Variants in TPRX1 observed in about 807,000 individuals in gnomAD.
TPRX1 encodes the protein tetra-peptide repeat homeobox protein 1.
In TPRX1, 2 loss-of-function variants were observed where a neutral mutation model predicts 8.1. The ratio of observed to expected loss-of-function variants is 0.25; its 90% CI spans 0.10 to 0.78. The LOEUF is 0.78. Ranked by LOEUF, TPRX1 falls within the 30% of genes least tolerant of loss-of-function variation. TPRX1 has a pLI of 0.70. For missense variants in TPRX1, 517 were observed against 586.9 expected, an observed-to-expected ratio of 0.88 and a Z score of 1.23; for synonymous variants, 257 against 254.1, an observed-to-expected ratio of 1.01 and a Z score of -0.11.
exon 4 of TPRX1, chr19:47,802,299 G>C: frequency 7.6e-7 from 1 of 1,319,854 alleles, no homozygotes. Context: ...CCTGGGATCG[G>C]GCCTGGGTTC....
At chr19:47,814,578 G>A (rs572543392) in intron 2 of TPRX1, among the ~76,000 whole-genome samples, 28 of 152,104 alleles carry the variant, frequency 1.8e-4, no homozygotes, top group Non-Finnish European at 1.3e-4. Flanking sequence ...GATAATGGGG[G>A]CCTGGAGAGT....
chr19:47,818,320 T>TCA (rs200517836), intron 2 of TPRX1: 1 of 293,840 alleles, frequency 3.4e-6, no homozygotes, highest in Non-Finnish European at 6.5e-6. Flanking sequence ...CACCCATCCA[T>TCA]CCATCCATCC....
At chr19:47,808,304 G>A (rs955513309) in intron 2 of TPRX1, among the ~76,000 whole-genome samples, 14 of 151,884 alleles carry the variant, frequency 9.2e-5, no homozygotes, top group African/African-American at 3.4e-4. Context: ...TAGTAGAGAC[G>A]GGGTTTCACT....
rs1555799994 is a variant in TPRX1, at chr19:47,815,119, T to TATATATATATATATATATATGCAA, written c.151+3348_151+3349insTTGCATATATATATATATATATAT. On this transcript the variant is annotated intron_variant, in intron 2 of 3. Transcript: ENST00000535759. ...TAGCTCAATAAATAGATAAATTATA[T>TATATATATATATATATATATGCAA]ATATATATATATATATATATATATG... Among the ~76,000 whole-genome samples the TATATATATATATATATATATGCAA allele has an allele frequency of 6.9e-3, 538 of 77,968 alleles. 5 individuals are homozygous for TATATATATATATATATATATGCAA. Among genetic ancestry groups the TATATATATATATATATATATGCAA allele is most frequent in the East Asian group, 0.023 (83 of 3,618 alleles). The allele number at this position is 77,968 out of a possible 152,430, so 51.2% of individuals were successfully genotyped here. A position where few individuals can be genotyped will look rare whatever the true frequency, so the allele number is the denominator to read the frequency against.
intron 2 of TPRX1, chr19:47,818,388 C>CTCCCTCCA: frequency 2.9e-6 from 1 of 342,476 alleles, no homozygotes; most frequent in Non-Finnish European, 5.7e-6. Flanking sequence ...CCATCCATCC[C>CTCCCTCCA]TCCATCCATC....
At chr19:47,802,036 T>C in exon 4 of TPRX1, 1 of 1,608,078 alleles carries the variant, frequency 6.2e-7, no homozygotes, top group Non-Finnish European at 8.5e-7. Context: ...CTGGGAGTGA[T>C]CCTGGGCCTG....
intron 2 of TPRX1, among the ~76,000 whole-genome samples, chr19:47,816,256 CG>C (rs1967839326): frequency 1.3e-5 from 2 of 151,810 alleles, no homozygotes; most frequent in African/African-American, 4.8e-5. Context: ...TTAGTAGAGA[CG>C]GGGTTTTGCC....
exon 4 of TPRX1, chr19:47,801,524 TC>T: frequency 2.2e-6 from 1 of 450,102 alleles, no homozygotes; most frequent in East Asian, 3.8e-5. Flanking sequence ...TCGAGCAGCA[TC>T]CACTAATGCC....
chr19:47,812,553 G>T (rs746278928), intron 2 of TPRX1, among the ~76,000 whole-genome samples: 10 of 151,950 alleles, frequency 6.6e-5, no homozygotes, highest in African/African-American at 9.7e-5. Context: ...GGCCAATATG[G>T]TGAAACTCTG....
chr19:47,816,816 G>C (rs113649442), intron 2 of TPRX1, among the ~76,000 whole-genome samples: 3 of 152,190 alleles, frequency 2.0e-5, no homozygotes, highest in Non-Finnish European at 2.9e-5. Context: ...ACAGGCGTGA[G>C]CCACCACGCC....
At position 47,804,334 on chromosome 19, in the gene TPRX1, C is replaced by T. The variant is rs537500831; in HGVS notation, c.152-661G>A. Among the ~76,000 whole-genome samples, 17 of 152,076 alleles carry T rather than the reference C, an allele frequency of 1.1e-4. No individual in the cohort carries two copies. In the East Asian group the frequency reaches 3.3e-3, roughly 29 times the overall value. ...CTTCCCAAAGAGCTGGGATCACAGG[C>T]GTGAGACGCTACACCCAGCTGCATG... On this transcript the variant is annotated intron_variant, in intron 2 of 3. Transcript: ENST00000535759.
intron 2 of TPRX1, among the ~76,000 whole-genome samples, chr19:47,815,127 T>TATATAA (rs1555800025): frequency 9.5e-6 from 1 of 105,080 alleles, no homozygotes; most frequent in Non-Finnish European, 2.0e-5. Context: ...TATATATATA[T>TATATAA]ATATATATAT....
chr19:47,809,228 G>A (rs1385022077), intron 2 of TPRX1, among the ~76,000 whole-genome samples: 1 of 152,018 alleles, frequency 6.6e-6, no homozygotes, highest in African/African-American at 2.4e-5. Context: ...CATTTAATAA[G>A]CACATACAAA....
chr19:47,802,928 T>A, exon 4 of TPRX1: 2 of 1,546,276 alleles, frequency 1.3e-6, no homozygotes, highest in Non-Finnish European at 1.7e-6. Context: ...CTGGGGCTGC[T>A]GCTGGAGCCG....
At chr19:47,818,258 TCCATCCATCCATC>T (rs1568618397) in intron 2 of TPRX1, among the ~76,000 whole-genome samples, 2 of 144,486 alleles carry the variant, frequency 1.4e-5, no homozygotes, top group African/African-American at 5.6e-5. Context: ...CATCCATCCA[TCCATCCATCCATC>T]CATCCATCAC....
exon 4 of TPRX1, chr19:47,802,564 G>A: frequency 6.4e-7 from 1 of 1,550,718 alleles, no homozygotes; most frequent in Middle Eastern, 1.7e-4. Flanking sequence ...TTGGGCCACG[G>A]AATGGGCCTG....
intron 2 of TPRX1, among the ~76,000 whole-genome samples, chr19:47,805,263 A>G (rs1383279774): frequency 6.6e-6 from 1 of 152,062 alleles, no homozygotes; most frequent in Non-Finnish European, 1.5e-5. Flanking sequence ...ATTCCAGTTT[A>G]TATACGGGGC....
intron 2 of TPRX1, among the ~76,000 whole-genome samples, chr19:47,807,761 G>A (rs1458710040): frequency 6.6e-6 from 1 of 152,140 alleles, no homozygotes; most frequent in African/African-American, 2.4e-5. Context: ...TCAGCATATT[G>A]CCCTGTGGAT....
intron 2 of TPRX1, among the ~76,000 whole-genome samples, chr19:47,815,380 C>T (rs1231909619): frequency 7.0e-6 from 1 of 142,828 alleles, no homozygotes; most frequent in Non-Finnish European, 1.5e-5. Context: ...GTCTCGAACT[C>T]CTGACCTCGT....
Sources: gnomAD v4.1 joint callset for allele counts (sites outside exome capture counted in the v4.1 genomes callset) on GRCh38, gnomAD v4.1.1 for gene constraint, MANE v1.5 for transcripts, NCBI Gene and HGNC (gene_info 2026-07-23, HGNC 2026-07-21) for gene names.